Variants in GRID2 observed in about 807,000 individuals in gnomAD.
GRID2 encodes the protein glutamate ionotropic receptor delta type subunit 2, also known as glutamate receptor ionotropic, delta-2.
In GRID2, 33 loss-of-function variants were observed where a neutral mutation model predicts 114.8. The observed-to-expected ratio is 0.29, with a 90% confidence interval of 0.22 to 0.38. The LOEUF (loss-of-function observed/expected upper bound fraction) is 0.38, where lower values mean the gene tolerates loss of function less well. GRID2 is among the 10% of genes least tolerant of loss of function. The pLI, the probability that GRID2 is intolerant of heterozygous loss-of-function variation, is 1.00. For synonymous variants in GRID2, 505 were observed against 449.9 expected (o/e 1.12, Z -1.55); for missense variants, 1,184 against 1,257.7 (o/e 0.94, Z 0.89).
intron 8 of GRID2, among the ~76,000 whole-genome samples, chr4:93,240,741 C>A (rs1747406540): frequency 6.7e-6 from 1 of 150,332 alleles, no homozygotes; most frequent in Non-Finnish European, 1.5e-5. Flanking sequence ...AAATTAAGGT[C>A]TTTTATCTAT....
chr4:93,124,197 A>T (rs1461189747), intron 4 of GRID2, among the ~76,000 whole-genome samples: 1 of 152,120 alleles, frequency 6.6e-6, no homozygotes, highest in Non-Finnish European at 1.5e-5. Context: ...CCAGTCATGG[A>T]AGGCAAGGAC....
intron 8 of GRID2, among the ~76,000 whole-genome samples, chr4:93,273,755 T>C (rs1751756339): frequency 6.6e-6 from 1 of 152,084 alleles, no homozygotes; most frequent in South Asian, 2.1e-4. Flanking sequence ...AGTGAAGAAA[T>C]GTGGATGCCT....
intron 11 of GRID2, among the ~76,000 whole-genome samples, chr4:93,460,580 C>G (rs1484762647): frequency 6.6e-6 from 1 of 152,178 alleles, no homozygotes; most frequent in Non-Finnish European, 1.5e-5. Flanking sequence ...AGTGTAATTC[C>G]TTTTTTTAAA....
At chr4:93,329,299 A>G (rs1047826501) in intron 8 of GRID2, among the ~76,000 whole-genome samples, 5 of 152,144 alleles carry the variant, frequency 3.3e-5, no homozygotes, top group African/African-American at 9.7e-5. Context: ...TCGCTATACT[A>G]AATATTAATA....
intron 3 of GRID2, among the ~76,000 whole-genome samples, chr4:93,087,324 A>G (rs1730420291): frequency 6.6e-6 from 1 of 152,042 alleles, no homozygotes; most frequent in Non-Finnish European, 1.5e-5. Context: ...TAGAACAGAA[A>G]AGGAACTTTT....
At chr4:92,983,050 G>A (rs536211718) in intron 2 of GRID2, among the ~76,000 whole-genome samples, 95 of 152,052 alleles carry the variant, frequency 6.2e-4, no homozygotes, top group Non-Finnish European at 1.1e-3. Flanking sequence ...ATCAGAGATA[G>A]GAAGGAAAAT....
chr4:93,757,538 C>T (rs768178954), intron 14 of GRID2, among the ~76,000 whole-genome samples: 10 of 152,234 alleles, frequency 6.6e-5, no homozygotes, highest in Non-Finnish European at 1.3e-4. Context: ...GTCTGGTGAC[C>T]TTTGCACGGT....
At position 92,586,355 on chromosome 4, in the gene GRID2, T is replaced by TACAC. The variant is rs200184543; in HGVS notation, c.89-3740_89-3737dup. The stretch of plus-strand genomic sequence containing the variant: ...TGACTTATTTCAAGCACAAAAAATC[T>TACAC]ACACACACACACACACACACACACA... On this transcript the variant is annotated intron_variant, in intron 1 of 15. Coordinates refer to ENST00000282020, the MANE Select transcript of GRID2 (RefSeq NM_001510.4). 4.5e-3 allele frequency among the ~76,000 whole-genome samples: 659 copies of TACAC among 145,994 alleles called. 2 individuals are homozygous for TACAC. The highest frequency in any genetic ancestry group is 9.4e-3 in the South Asian group (43 of 4,562).
At chr4:93,691,402 G>C (rs189019096) in intron 14 of GRID2, among the ~76,000 whole-genome samples, 8 of 152,046 alleles carry the variant, frequency 5.3e-5, no homozygotes, top group African/African-American at 1.9e-4. Flanking sequence ...AGCACAAAAA[G>C]TTCAAATAGT....
At chr4:93,601,578 T>C (rs1739689399) in intron 13 of GRID2, among the ~76,000 whole-genome samples, 2 of 152,196 alleles carry the variant, frequency 1.3e-5, no homozygotes, top group African/African-American at 4.8e-5. Flanking sequence ...AGATTAGTAA[T>C]TGAATCTATG....
chr4:93,162,818 A>G (rs1737806576), intron 4 of GRID2, among the ~76,000 whole-genome samples: 1 of 152,008 alleles, frequency 6.6e-6, no homozygotes, highest in Admixed American at 6.6e-5. Context: ...TGGTCAAATA[A>G]GAAAGATAAT....
chr4:92,735,673 C>A (rs574074769), intron 2 of GRID2, among the ~76,000 whole-genome samples: 1 of 152,216 alleles, frequency 6.6e-6, no homozygotes, highest in South Asian at 2.1e-4. Context: ...CTCAGACTCT[C>A]TTGAACTTCT....
At chr4:93,675,102 T>G (rs1724739187) in intron 14 of GRID2, among the ~76,000 whole-genome samples, 1 of 152,200 alleles carries the variant, frequency 6.6e-6, no homozygotes. Context: ...AAATTTATAA[T>G]TAATTCATCA....
intron 1 of GRID2, among the ~76,000 whole-genome samples, chr4:92,443,831 A>G (rs781103907): frequency 6.6e-6 from 1 of 152,210 alleles, no homozygotes; most frequent in South Asian, 2.1e-4. Flanking sequence ...TTGAATAATC[A>G]GAGAGGCGTC....
intron 6 of GRID2, among the ~76,000 whole-genome samples, chr4:93,223,544 A>G (rs535809799): frequency 1.3e-5 from 2 of 152,302 alleles, no homozygotes; most frequent in African/African-American, 2.4e-5. Context: ...ATGATTAATT[A>G]TAACCCGAGG....
intron 14 of GRID2, among the ~76,000 whole-genome samples, chr4:93,655,088 A>G (rs186096278): frequency 1.8e-4 from 28 of 152,240 alleles, no homozygotes; most frequent in Admixed American, 1.2e-3. Flanking sequence ...TGAACACCAT[A>G]TAAGTACCAT....
chr4:93,645,734 C>T (rs1419783170), intron 14 of GRID2, among the ~76,000 whole-genome samples: 2 of 152,108 alleles, frequency 1.3e-5, no homozygotes, highest in South Asian at 4.1e-4. Flanking sequence ...GAAAATTCAG[C>T]TCTTTATTAA....
At chr4:92,734,755 A>G (rs763829880) in intron 2 of GRID2, among the ~76,000 whole-genome samples, 2 of 147,758 alleles carry the variant, frequency 1.4e-5, no homozygotes, top group Non-Finnish European at 3.0e-5. Context: ...ATTGATGGTT[A>G]TATTTCTTTT....
intron 4 of GRID2, among the ~76,000 whole-genome samples, chr4:93,123,292 A>G (rs138570921): frequency 6.6e-6 from 1 of 152,208 alleles, no homozygotes; most frequent in East Asian, 1.9e-4. Flanking sequence ...ATTCCATTCC[A>G]TTTGAATTAT....
Sources: gnomAD v4.1 joint callset for allele counts (sites outside exome capture counted in the v4.1 genomes callset) on GRCh38, gnomAD v4.1.1 for gene constraint, MANE v1.5 for transcripts, NCBI Gene and HGNC (gene_info 2026-07-23, HGNC 2026-07-21) for gene names.